Variants in HPSE2 observed in about 807,000 individuals in gnomAD.
The protein encoded by HPSE2 is heparanase 2 (inactive).
A neutral mutation model predicts 60.5 loss-of-function variants in HPSE2; 38 were observed. The observed-to-expected ratio is 0.63, with a 90% CI of 0.48 to 0.82. The LOEUF (loss-of-function observed/expected upper bound fraction) is 0.82, where lower values mean the gene tolerates loss of function less well. Ranked by LOEUF, HPSE2 falls within the 40% of genes least tolerant of loss-of-function variation. The pLI, the probability that HPSE2 is intolerant of heterozygous loss-of-function variation, is 0.00. For synonymous variants in HPSE2, 295 were observed against 293.2 expected (o/e 1.01, Z -0.06); for missense variants, 713 against 740.4 (o/e 0.96, Z 0.43).
intron 3 of HPSE2, among the ~76,000 whole-genome samples, chr10:98,958,849 C>T (rs751637734): frequency 2.6e-5 from 4 of 152,018 alleles, no homozygotes; most frequent in Non-Finnish European, 4.4e-5. Flanking sequence ...TTATACCTCA[C>T]CTGAAGCATA....
chr10:99,005,604 G>C (rs1247571572), intron 3 of HPSE2, among the ~76,000 whole-genome samples: 3 of 151,794 alleles, frequency 2.0e-5, no homozygotes, highest in Non-Finnish European at 4.4e-5. Context: ...ATTTTGCTGG[G>C]CTTCCTTAAG....
intron 6 of HPSE2, among the ~76,000 whole-genome samples, chr10:98,667,693 T>C (rs1464217345): frequency 1.3e-5 from 2 of 152,194 alleles, no homozygotes; most frequent in Non-Finnish European, 2.9e-5. Context: ...ATTATCTCAA[T>C]AGATGCAGAA....
At chr10:98,900,152 T>C (rs1324722631) in intron 3 of HPSE2, among the ~76,000 whole-genome samples, 1 of 152,210 alleles carries the variant, frequency 6.6e-6, no homozygotes, top group Non-Finnish European at 1.5e-5. Flanking sequence ...AGTAGCTTTA[T>C]CTTTAACAAT....
intron 11 of HPSE2, among the ~76,000 whole-genome samples, chr10:98,461,201 T>C (rs191503555): frequency 7.5e-4 from 114 of 152,312 alleles, no homozygotes; most frequent in Non-Finnish European, 1.2e-3. Context: ...TTCCCAGAGA[T>C]AAGTGTGTTG....
chr10:98,919,779 T>G (rs950809193), intron 3 of HPSE2, among the ~76,000 whole-genome samples: 46 of 152,048 alleles, frequency 3.0e-4, no homozygotes, highest in African/African-American at 9.9e-4. Context: ...AAAGTACAGA[T>G]AGTTGGATAT....
chr10:99,171,762 A>G (rs936578470), intron 2 of HPSE2, among the ~76,000 whole-genome samples: 6 of 152,156 alleles, frequency 3.9e-5, no homozygotes, highest in African/African-American at 1.4e-4. Context: ...GAAGAAGCAG[A>G]TAAGTATTTA....
chr10:98,970,376 C>T (rs1955921047), intron 3 of HPSE2, among the ~76,000 whole-genome samples: 1 of 152,150 alleles, frequency 6.6e-6, no homozygotes, highest in South Asian at 2.1e-4. Context: ...GATCCAAACA[C>T]CTCCCACCAT....
chr10:98,614,737 AG>A (rs1489645912), intron 9 of HPSE2, among the ~76,000 whole-genome samples, 166 bp downstream of exon 9: 1 of 148,404 alleles, frequency 6.7e-6, no homozygotes, highest in Non-Finnish European at 1.5e-5. Context: ...TGAAGCCAAA[AG>A]TCTGTAAAAC....
rs562095149 is a variant in HPSE2, at chr10:98,688,465, C to CTTTTTTTTTTT, written c.1004+5424_1004+5434dup. 2.3e-3 allele frequency among the ~76,000 whole-genome samples: 240 copies of CTTTTTTTTTTT among 103,742 alleles called. 18 individuals are homozygous for CTTTTTTTTTTT. Among genetic ancestry groups the CTTTTTTTTTTT allele is most frequent in the South Asian group, 3.4e-3 (12 of 3,580 alleles). 68.1% of individuals were successfully genotyped at this position (103,742 alleles called of 152,430 possible). Reference sequence around the variant, plus strand: ...GTCTGAAGAATTTCCTTTAGCATTTCTTTTTTTTTTTCTTTTTTTTTTTTT... The same window carrying CTTTTTTTTTTT: ...GTCTGAAGAATTTCCTTTAGCATTTCTTTTTTTTTTTTTTTTTTTTTTCTTTTTTTTTTTTT... On this transcript the variant is annotated intron_variant, in intron 6 of 11. Coordinates refer to ENST00000370552, the MANE Select transcript of HPSE2 (RefSeq NM_021828.5).
chr10:98,917,946 A>C (rs1049009231), intron 3 of HPSE2, among the ~76,000 whole-genome samples: 6 of 152,338 alleles, frequency 3.9e-5, no homozygotes, highest in Non-Finnish European at 5.9e-5. Flanking sequence ...GGTACAGGTT[A>C]TACAGAAATT....
At chr10:98,776,106 G>T (rs974885521) in intron 3 of HPSE2, among the ~76,000 whole-genome samples, 4 of 151,952 alleles carry the variant, frequency 2.6e-5, no homozygotes, top group African/African-American at 9.7e-5. Context: ...CAATCCCACA[G>T]AATCTGCACA....
the HPSE2 span, among the ~76,000 whole-genome samples, chr10:99,265,542 C>CCTG: frequency 6.6e-6 from 1 of 152,204 alleles, no homozygotes; most frequent in Admixed American, 6.5e-5. Flanking sequence ...CACACGTTTA[C>CCTG]CTATGTAGCA....
Position 99,136,174 on chromosome 10 carries a change from C to T in HPSE2, c.610+8064G>A, listed in dbSNP as rs570239759. On this transcript the variant is annotated intron_variant, in intron 3 of 11. Transcript: ENST00000370552. The stretch of plus-strand genomic sequence containing the variant: ...TAAATTCCTAGACACATACACCCTC[C>T]CAAGTCTAAACCAGGAAGAAGTCGA... Among the ~76,000 whole-genome samples the T allele has an allele frequency of 8.5e-4, 130 of 152,196 alleles. 1 individual carries two copies. Among genetic ancestry groups the T allele is most frequent in the African/African-American group, 3.0e-3 (123 of 41,514 alleles).
chr10:98,984,409 C>T (rs1956285518), intron 3 of HPSE2, among the ~76,000 whole-genome samples: 1 of 152,202 alleles, frequency 6.6e-6, no homozygotes, highest in South Asian at 2.1e-4. Context: ...CAGCAAACTC[C>T]AACAGAACTG....
upstream of HPSE2, among the ~76,000 whole-genome samples, chr10:99,236,509 G>A (rs1187112746): frequency 6.6e-6 from 1 of 152,090 alleles, no homozygotes; most frequent in Non-Finnish European, 1.5e-5. Context: ...AAGTTGCAGA[G>A]GGGTCTTGAG....
intron 3 of HPSE2, among the ~76,000 whole-genome samples, chr10:98,781,149 G>A (rs945562658): frequency 6.6e-6 from 1 of 151,786 alleles, no homozygotes; most frequent in Non-Finnish European, 1.5e-5. Context: ...ACTTTTGTTG[G>A]GCTAAACCAC....
chr10:99,104,640 C>T (rs1430410722), intron 3 of HPSE2, among the ~76,000 whole-genome samples: 3 of 152,074 alleles, frequency 2.0e-5, no homozygotes, highest in South Asian at 2.1e-4. Context: ...CTCTTCACAA[C>T]AGCAAAGACT....
rs567449722 is a variant in HPSE2, at chr10:99,184,935, C to T, written c.449-40536G>A. Reference sequence around the variant, plus strand: ...AGCTTATATTAACTGGCCTAACATACAAGTAATTGGTACCTCCAAAAAAAT... The same window carrying T: ...AGCTTATATTAACTGGCCTAACATATAAGTAATTGGTACCTCCAAAAAAAT... On this transcript the variant is annotated intron_variant, in intron 2 of 11. Transcript: ENST00000370552. Among the ~76,000 whole-genome samples, 31 of 148,414 alleles carry T rather than the reference C, an allele frequency of 2.1e-4. 2 individuals carry two copies. The South Asian group carries it at 6.5e-3, about 31-fold the overall frequency.
At position 98,649,149 on chromosome 10, in the gene HPSE2, T is replaced by G. The variant is rs569355528; in HGVS notation, c.1005-7209A>C. On this transcript the variant is annotated intron_variant, in intron 6 of 11. Transcript: ENST00000370552. Reference sequence around the variant, plus strand: ...AACTCAGTGTTTGTAAATTGGGGGTTGCTTATACTGTTGCCACATCCTTCC... The same window carrying G: ...AACTCAGTGTTTGTAAATTGGGGGTGGCTTATACTGTTGCCACATCCTTCC... 4.3e-4 allele frequency among the ~76,000 whole-genome samples: 65 copies of G among 152,228 alleles called. 1 individual carries two copies. The highest frequency in any genetic ancestry group is 1.8e-3 in the Admixed American group (27 of 15,286).
Sources: allele counts gnomAD v4.1 joint callset (sites outside exome capture counted in the v4.1 genomes callset), GRCh38; gene constraint gnomAD v4.1.1; transcripts MANE v1.5; gene names NCBI Gene and HGNC (gene_info 2026-07-23, HGNC 2026-07-21).